The following SHOC1 variants were observed in gnomAD, a reference collection of about 807,000 sequenced individuals.
SHOC1 encodes the protein protein shortage in chiasmata 1 ortholog.
SHOC1 carries 136 observed loss-of-function variants against 179.2 expected under a neutral mutation model. That is an observed-to-expected ratio of 0.76 (90% CI 0.66 to 0.87). SHOC1 has a LOEUF of 0.87. Ranked by LOEUF, SHOC1 falls within the 40% of genes least tolerant of loss-of-function variation. The probability of loss-of-function intolerance (pLI) is 0.00; values close to 1 mark genes in which losing one functional copy is unlikely to be tolerated. For synonymous variants in SHOC1, 489 were observed against 586.6 expected, an observed-to-expected ratio of 0.83 and a Z score of 2.41; for missense variants, 1,538 against 1,700.8, an observed-to-expected ratio of 0.90 and a Z score of 1.68.
intron 2 of SHOC1, among the ~76,000 whole-genome samples, chr9:111,786,631 C>A (rs558816661): frequency 1.3e-5 from 2 of 151,440 alleles, no homozygotes; most frequent in Non-Finnish European, 2.9e-5. Context: ...GTAACTGTCC[C>A]AACATTTGAA....
chr9:111,689,160 C>T (rs891887647), intron 27 of SHOC1, among the ~76,000 whole-genome samples: 5 of 151,566 alleles, frequency 3.3e-5, no homozygotes, highest in South Asian at 2.1e-4. Flanking sequence ...CTGAGGCAGG[C>T]GGATTGCTTG....
intron 14 of SHOC1, 98 bp downstream of exon 14, chr9:111,723,694 A>G: frequency 8.4e-7 from 1 of 1,195,854 alleles, no homozygotes; most frequent in Admixed American, 2.2e-5. Flanking sequence ...GAAACAAGTG[A>G]AGAAAATGAC....
intron 5 of SHOC1, among the ~76,000 whole-genome samples, chr9:111,771,685 A>G (rs1835614360): frequency 6.6e-6 from 1 of 152,082 alleles, no homozygotes; most frequent in South Asian, 2.1e-4. Context: ...TGCTGGATAC[A>G]GTGTTCTTAG....
chr9:111,714,352 A>C (rs915750083), intron 17 of SHOC1, 93 bp downstream of exon 17: 16 of 1,275,002 alleles, frequency 1.3e-5, no homozygotes, highest in Non-Finnish European at 1.8e-5. Context: ...AGTATAGACT[A>C]CTTCATAATT....
At position 111,692,318 on chromosome 9, in the gene SHOC1, T is replaced by G. The variant is rs1459039810; in HGVS notation, c.3659A>C (p.Gln1220Pro). ...YQYLGLGETV[Q>P]EDKTTILNDN... ...ATTCAAAATGGTGGTTTTGTCTTCCTGCACTGTCTCTCCTAATCCTAAATA... is the reference window on the plus strand; with the variant it reads ...ATTCAAAATGGTGGTTTTGTCTTCCGGCACTGTCTCTCCTAATCCTAAATA... Residue 1220 changes from glutamine to proline, a missense_variant, in exon 27 of 28, where the codon CAG becomes CCG. Physicochemically the swap from Gln to Pro is moderately conservative, Grantham distance 76. Transcript: ENST00000682961. 20 of 1,612,576 alleles carry G rather than the reference T, an allele frequency of 1.2e-5. No individual in the cohort carries two copies. The highest frequency in any genetic ancestry group is 1.7e-5 in the Non-Finnish European group (20 of 1,178,824).
At chr9:111,781,086 A>G in intron 3 of SHOC1, 69 bp from the exon 4 acceptor site, 1 of 1,010,268 alleles carries the variant, frequency 9.9e-7, no homozygotes, top group Non-Finnish European at 1.5e-6. Context: ...GAAGCCAAAC[A>G]TTCACCTTTT....
intron 12 of SHOC1, among the ~76,000 whole-genome samples, chr9:111,731,560 T>A (rs1478699603): frequency 6.6e-6 from 1 of 152,142 alleles, no homozygotes; most frequent in Non-Finnish European, 1.5e-5. Context: ...TTCAATTCAC[T>A]TTTTTGTATG....
chr9:111,739,282 T>A (rs1237181913), intron 11 of SHOC1, among the ~76,000 whole-genome samples: 1 of 152,172 alleles, frequency 6.6e-6, no homozygotes, highest in African/African-American at 2.4e-5. Context: ...AAAATAGGTA[T>A]AATTTTTAAT....
chr9:111,705,601 G>T (rs1832235999), intron 20 of SHOC1, among the ~76,000 whole-genome samples: 1 of 151,420 alleles, frequency 6.6e-6, no homozygotes, highest in African/African-American at 2.4e-5. Flanking sequence ...ACAGAGTTTT[G>T]CATATATTTC....
intron 15 of SHOC1, among the ~76,000 whole-genome samples, chr9:111,721,472 C>G (rs1833048451): frequency 6.6e-6 from 1 of 152,028 alleles, no homozygotes; most frequent in Admixed American, 6.6e-5. Context: ...CCCAAATAGC[C>G]AGGATTACAG....
chr9:111,715,943 G>A (rs1241590284), intron 16 of SHOC1, among the ~76,000 whole-genome samples: 3 of 151,948 alleles, frequency 2.0e-5, no homozygotes, highest in Admixed American at 6.6e-5. Flanking sequence ...TTGGGAGAGG[G>A]AGCAAACTGG....
chr9:111,708,021 T>G, intron 18 of SHOC1, 97 bp from the exon 19 acceptor site: 1 of 643,100 alleles, frequency 1.6e-6, no homozygotes, highest in Admixed American at 3.1e-5. Context: ...ATTAAAAATC[T>G]GTGAATAACA....
chr9:111,712,634 T>G (rs886443315), intron 18 of SHOC1, among the ~76,000 whole-genome samples: 5 of 152,020 alleles, frequency 3.3e-5, no homozygotes, highest in Admixed American at 6.6e-5. Flanking sequence ...AAAAGTGTAG[T>G]AAGTGAGGAA....
At chr9:111,773,904 A>G (rs2131612387) in intron 5 of SHOC1, among the ~76,000 whole-genome samples, 1 of 152,302 alleles carries the variant, frequency 6.6e-6, no homozygotes, top group East Asian at 1.9e-4. Context: ...GATTTAGACA[A>G]TAAGACCAAA....
intron 5 of SHOC1, among the ~76,000 whole-genome samples, chr9:111,768,312 G>A (rs563627031): frequency 1.1e-4 from 17 of 150,704 alleles, no homozygotes; most frequent in Admixed American, 6.0e-4. Context: ...TACAACCTCC[G>A]CCTCCAGGGT....
At chr9:111,789,474 A>G (rs1018510524) in intron 2 of SHOC1, among the ~76,000 whole-genome samples, 1 of 152,120 alleles carries the variant, frequency 6.6e-6, no homozygotes, top group Non-Finnish European at 1.5e-5. Flanking sequence ...AAATGTTTGA[A>G]GATTTTAAGT....
At chr9:111,725,712 G>A (rs1833266380) in intron 13 of SHOC1, among the ~76,000 whole-genome samples, 1 of 152,160 alleles carries the variant, frequency 6.6e-6, no homozygotes, top group South Asian at 2.1e-4. Context: ...ACACTTAATT[G>A]AGGAAACATC....
chr9:111,745,016 T>C (rs1263448443), intron 10 of SHOC1, among the ~76,000 whole-genome samples: 2 of 152,210 alleles, frequency 1.3e-5, no homozygotes, highest in Non-Finnish European at 2.9e-5. Flanking sequence ...TGATGGGGTA[T>C]TGAACAAGTT....
intron 20 of SHOC1, 89 bp from the exon 21 acceptor site, chr9:111,705,453 T>C: frequency 1.9e-6 from 1 of 527,786 alleles, no homozygotes; most frequent in African/African-American, 2.0e-5. Flanking sequence ...TGAGGATAAG[T>C]AGGAGTAGTA....
Sources: allele counts gnomAD v4.1 joint callset (sites outside exome capture counted in the v4.1 genomes callset), GRCh38; gene constraint gnomAD v4.1.1; transcripts MANE v1.5; gene names NCBI Gene and HGNC (gene_info 2026-07-23, HGNC 2026-07-21).